CRB1: variants seen among roughly 807,000 people sequenced by gnomAD.
The protein encoded by CRB1 is protein crumbs homolog 1.
CRB1 carries 83 observed loss-of-function variants against 120.0 expected under a neutral mutation model. That is an observed-to-expected ratio of 0.69 (90% CI 0.58 to 0.83). The LOEUF (loss-of-function observed/expected upper bound fraction) is 0.83, where lower values mean the gene tolerates loss of function less well. Among genes scored for constraint, CRB1 ranks in the 40% least tolerant of loss-of-function variants. The pLI, the probability that CRB1 is intolerant of heterozygous loss-of-function variation, is 0.00. For synonymous variants in CRB1, 625 were observed against 612.5 expected, an observed-to-expected ratio of 1.02 and a Z score of -0.30; for missense variants, 1,699 against 1,687.6, an observed-to-expected ratio of 1.01 and a Z score of -0.12.
upstream of CRB1, among the ~76,000 whole-genome samples, chr1:197,266,841 A>AT (rs555856769): frequency 1.2e-4 from 18 of 151,026 alleles, no homozygotes; most frequent in Middle Eastern, 6.8e-3. Flanking sequence ...GAGTCTATTC[A>AT]TTTTTTTTTC....
At chr1:197,418,377 C>G (rs1005878338) in intron 5 of CRB1, among the ~76,000 whole-genome samples, 1 of 152,136 alleles carries the variant, frequency 6.6e-6, no homozygotes, top group African/African-American at 2.4e-5. Flanking sequence ...TAGATTACTT[C>G]CATTCAGTTC....
rs746787047 is a variant in CRB1 at position 197,344,478 on chromosome 1, T to G, written c.848+2T>G. The G allele has an allele frequency of 6.2e-7, 1 of 1,613,190 alleles. No individual in the cohort carries two copies. The highest frequency in any genetic ancestry group is 8.5e-7 in the Non-Finnish European group (1 of 1,179,192). On this transcript the variant is annotated splice_donor_variant, in intron 3 of 11. Coordinates refer to ENST00000367400, the MANE Select transcript of CRB1 (RefSeq NM_201253.3). LOFTEE classifies it high-confidence loss of function. The stretch of plus-strand genomic sequence containing the variant: ...GCTGTGTGTGGATGGAGAAAACAGG[T>G]ACATTTTCTCTGGCGTTGGGTGATT...
chr1:197,363,954 G>T, intron 5 of CRB1: 2 of 1,340,628 alleles, frequency 1.5e-6, no homozygotes, highest in Non-Finnish European at 2.1e-6. Context: ...GGTATTATGA[G>T]AAGCCATGCG....
At position 197,427,719 on chromosome 1, in the gene CRB1, G is replaced by T; in HGVS notation, c.2394G>T (p.Leu798Phe). The T allele has an allele frequency of 6.2e-7, 1 of 1,613,758 alleles. No individual in the cohort carries two copies. Among genetic ancestry groups the T allele is most frequent in the Non-Finnish European group, 8.5e-7 (1 of 1,179,892 alleles). Residue 798 changes from leucine to phenylalanine, a missense_variant, in exon 7 of 12, where the codon TTG becomes TTT. Physicochemically the swap from Leu to Phe is conservative, Grantham distance 22. Transcript: ENST00000367400. ...ATGGAAATGTCCACTTGATATCTTT[G>T]AAAATCAAGCCATATAAAATTGAAC... ...LNDGNVHLIS[L>F]KIKPYKIELY... is the part of the protein sequence containing the mutation.
At chr1:197,420,000 C>CAAAAAAAAAAAAAAAA (rs200847709) in intron 5 of CRB1, among the ~76,000 whole-genome samples, 2 of 140,086 alleles carry the variant, frequency 1.4e-5, no homozygotes, top group Non-Finnish European at 1.5e-5. Context: ...AAAAAAAAAA[C>CAAAAAAAAAAAAAAAA]AAACAAAAAA....
chr1:197,234,467 A>G, the CRB1 span, among the ~76,000 whole-genome samples: 1 of 152,238 alleles, frequency 6.6e-6, no homozygotes, highest in Non-Finnish European at 1.5e-5. Context: ...CCAGACTGCA[A>G]CCTCAGGCAA....
chr1:197,464,312 T>C (rs541804666), intron 11 of CRB1, among the ~76,000 whole-genome samples: 1 of 152,256 alleles, frequency 6.6e-6, no homozygotes, highest in South Asian at 2.1e-4. Flanking sequence ...CTGAGCACGT[T>C]TGGAGAATTG....
At chr1:197,384,905 GA>G (rs1372515655) in intron 5 of CRB1, among the ~76,000 whole-genome samples, 1 of 152,074 alleles carries the variant, frequency 6.6e-6, no homozygotes, top group Non-Finnish European at 1.5e-5. Flanking sequence ...TTCTTGGATA[GA>G]AAAAAGTAAA....
the CRB1 span, among the ~76,000 whole-genome samples, chr1:197,258,894 A>G: frequency 6.6e-6 from 1 of 152,234 alleles, no homozygotes; most frequent in Non-Finnish European, 1.5e-5. Context: ...GAATGACTCA[A>G]TATGTGTTAA....
At chr1:197,228,040 G>A in the CRB1 span, among the ~76,000 whole-genome samples, 4 of 152,132 alleles carry the variant, frequency 2.6e-5, no homozygotes, top group Non-Finnish European at 5.9e-5. Context: ...AAGTCCCTAG[G>A]CTTCACACAG....
chr1:197,282,076 A>AT (rs1655554279), intron 1 of CRB1, among the ~76,000 whole-genome samples: 1 of 151,666 alleles, frequency 6.6e-6, no homozygotes, highest in Non-Finnish European at 1.5e-5. Context: ...TGAAAAAAAA[A>AT]AGAAAATCAA....
intron 1 of CRB1, among the ~76,000 whole-genome samples, chr1:197,311,039 G>T (rs1160163629): frequency 6.6e-6 from 1 of 152,132 alleles, no homozygotes; most frequent in Non-Finnish European, 1.5e-5. Context: ...AAAAAGCTAA[G>T]CTAACTTTTA....
chr1:197,477,800 C>A lies in CRB1; in HGVS notation c.4142C>A (p.Pro1381His). 6.2e-7 allele frequency: 1 copy of A among 1,613,852 alleles called. No homozygotes were observed. Among genetic ancestry groups the A allele is most frequent in the Non-Finnish European group, 8.5e-7 (1 of 1,179,880 alleles). ...AGGGCAACTCAGGGAACCTACAGCC[C>A]CAGCCGTCAGGAGAAGGAGGGCTCC... ...NKRATQGTYS[P>H]SRQEKEGSRV... The change falls in exon 12 of 12, where the codon CCC becomes CAC. Residue 1381 changes from proline to histidine, a missense_variant. By Grantham distance (77) the Pro-to-His change is moderately conservative. Coordinates refer to ENST00000367400, the MANE Select transcript of CRB1 (RefSeq NM_201253.3).
chr1:197,406,014 G>A (rs1319968848), intron 5 of CRB1, among the ~76,000 whole-genome samples: 11 of 148,776 alleles, frequency 7.4e-5, no homozygotes, highest in South Asian at 2.2e-4. Flanking sequence ...GCCTCTGCCC[G>A]GCCGCCCCTA....
At position 197,268,483 on chromosome 1, in the gene CRB1, G is replaced by A. The variant is rs1237424465; in HGVS notation, c.70+1G>A. 1 of 1,607,906 alleles carries A rather than the reference G, an allele frequency of 6.2e-7. No homozygotes were observed. Among genetic ancestry groups the A allele is most frequent in the Non-Finnish European group, 8.5e-7 (1 of 1,174,418 alleles). ...TTCTCACTGCTTATCTACATAAAAAGTAAGCCTTTCCCACTTTGGGCATTT... is the reference window on the plus strand; with the variant it reads ...TTCTCACTGCTTATCTACATAAAAAATAAGCCTTTCCCACTTTGGGCATTT... On this transcript the variant is annotated splice_donor_variant, in intron 1 of 11. Transcript: ENST00000367400. LOFTEE classifies it high-confidence loss of function.
intron 11 of CRB1, among the ~76,000 whole-genome samples, chr1:197,459,139 G>T (rs1273826221): frequency 1.3e-5 from 2 of 152,076 alleles, no homozygotes; most frequent in Non-Finnish European, 2.9e-5. Context: ...GGAAATAGTA[G>T]GATATAGAAG....
chr1:197,222,457 T>G, the CRB1 span: 1 of 768,682 alleles, frequency 1.3e-6, no homozygotes, highest in Non-Finnish European at 2.4e-6. Context: ...GTGAAGGGAG[T>G]GGACAAACTG....
At position 197,421,622 on chromosome 1, in the gene CRB1, A is replaced by G; in HGVS notation, c.1794A>G (p.Pro598=). Residue 598 remains proline (P), a synonymous_variant, in exon 6 of 12, where the codon CCA becomes CCG. Coordinates refer to ENST00000367400, the MANE Select transcript of CRB1 (RefSeq NM_201253.3). ...KEKCIAKAPT[P]LESDQSICAF... The stretch of plus-strand genomic sequence containing the variant: ...AATGCATCGCGAAAGCTCCTACTCC[A>G]CTTGAAAGTGATCAATCAATATGTG... The G allele has an allele frequency of 6.2e-7, 1 of 1,614,180 alleles. No homozygotes were observed.
At chr1:197,434,614 T>C (rs1665032516) in intron 8 of CRB1, 92 bp from the exon 9 acceptor site, 1 of 1,162,004 alleles carries the variant, frequency 8.6e-7, no homozygotes, top group Non-Finnish European at 1.3e-6. Flanking sequence ...TATGCAATGT[T>C]ATTAACACAA....
Sources: gnomAD v4.1 joint callset for allele counts (sites outside exome capture counted in the v4.1 genomes callset) on GRCh38, gnomAD v4.1.1 for gene constraint, MANE v1.5 for transcripts, NCBI Gene and HGNC (gene_info 2026-07-23, HGNC 2026-07-21) for gene names.